Variants in SYN3 observed in about 807,000 individuals in gnomAD.
SYN3 encodes the protein synapsin-3.
Under a neutral mutation model 65.8 loss-of-function variants are expected in SYN3, and 35 were observed. The ratio of observed to expected loss-of-function variants is 0.53; its 90% CI spans 0.41 to 0.70. The LOEUF (loss-of-function observed/expected upper bound fraction) is 0.70. SYN3 is among the 30% of genes least tolerant of loss of function. The probability of loss-of-function intolerance (pLI) is 0.00; values close to 1 mark genes in which losing one functional copy is unlikely to be tolerated. For synonymous variants in SYN3, 270 were observed against 292.9 expected, an observed-to-expected ratio of 0.92 and a Z score of 0.80; for missense variants, 680 against 749.0, an observed-to-expected ratio of 0.91 and a Z score of 1.08.
At chr22:32,623,649 A>G (rs1422156888) in intron 6 of SYN3, among the ~76,000 whole-genome samples, 1 of 152,112 alleles carries the variant, frequency 6.6e-6, no homozygotes, top group African/African-American at 2.4e-5. Flanking sequence ...TTCCCACTCC[A>G]TTCCTCTCCT....
intron 4 of SYN3, among the ~76,000 whole-genome samples, chr22:32,881,607 C>T (rs2049139507): frequency 2.0e-5 from 3 of 152,218 alleles, no homozygotes; most frequent in African/African-American, 7.2e-5. Context: ...TCAGGTGGCC[C>T]AGCCACTTCT....
At chr22:32,613,488 G>A (rs1031079424) in intron 6 of SYN3, among the ~76,000 whole-genome samples, 7 of 152,194 alleles carry the variant, frequency 4.6e-5, no homozygotes, top group Non-Finnish European at 1.0e-4. Flanking sequence ...TTTGAGACCT[G>A]GAGTTAATCC....
At chr22:32,591,447 G>A (rs756131437) in intron 7 of SYN3, among the ~76,000 whole-genome samples, 7 of 152,076 alleles carry the variant, frequency 4.6e-5, no homozygotes, top group South Asian at 2.1e-4. Flanking sequence ...TTACTTTTCC[G>A]TTCTTGTACC....
intron 6 of SYN3, among the ~76,000 whole-genome samples, chr22:32,619,501 G>GGTA (rs2059566018): frequency 6.6e-6 from 1 of 152,152 alleles, no homozygotes; most frequent in Non-Finnish European, 1.5e-5. Context: ...TCATTCTGGA[G>GGTA]GGTCTAGGAC....
chr22:32,750,344 T>C lies in SYN3; in HGVS notation c.711+114571A>G, dbSNP rs115097211. Among the ~76,000 whole-genome samples, 1,268 of 152,292 alleles carry C rather than the reference T, an allele frequency of 8.3e-3. 13 individuals carry two copies. Among genetic ancestry groups the C allele is most frequent in the African/African-American group, 0.028 (1,179 of 41,554 alleles). ...AATCATATGAACATCTGGGAGAAGA[T>C]TGTTTCAGGGCAAGGGCAAGGGCAA... On this transcript the variant is annotated intron_variant, in intron 6 of 13. Transcript: ENST00000358763.
chr22:33,014,514 C>G (rs2053422394), intron 1 of SYN3: 1 of 152,264 alleles, frequency 6.6e-6, no homozygotes, highest in Non-Finnish European at 1.5e-5. Context: ...GACAGGGTGG[C>G]TCACGCCTGT....
intron 3 of SYN3, among the ~76,000 whole-genome samples, chr22:32,980,327 G>A (rs1381170225): frequency 2.6e-5 from 4 of 152,170 alleles, no homozygotes; most frequent in African/African-American, 9.7e-5. Flanking sequence ...GGGCCAAAAG[G>A]AACGGTATAG....
At chr22:32,773,670 C>T (rs532138044) in intron 6 of SYN3, among the ~76,000 whole-genome samples, 14 of 152,226 alleles carry the variant, frequency 9.2e-5, no homozygotes, top group Middle Eastern at 3.4e-3. Flanking sequence ...CAATTTGCAC[C>T]CACTGGTCTA....
At chr22:32,646,735 T>C (rs2059989477) in intron 6 of SYN3, among the ~76,000 whole-genome samples, 1 of 152,138 alleles carries the variant, frequency 6.6e-6, no homozygotes, top group South Asian at 2.1e-4. Flanking sequence ...TTGACTGGCT[T>C]TGTGAGCAGA....
chr22:32,797,295 C>T (rs189245649), intron 6 of SYN3, among the ~76,000 whole-genome samples: 2 of 152,308 alleles, frequency 1.3e-5, no homozygotes, highest in South Asian at 2.1e-4. Context: ...TTATTAAACT[C>T]GTTGTTACCA....
Position 32,923,298 on chromosome 22 carries a change from G to T in SYN3, c.461+8092C>A, listed in dbSNP as rs117616343. Among the ~76,000 whole-genome samples the T allele has an allele frequency of 3.9e-5, 6 of 152,332 alleles. 1 individual carries two copies. The highest frequency in any genetic ancestry group is 1.9e-4 in the East Asian group (1 of 5,176). ...GATTTAGCTCTTCCTCTGTCTTTTT[G>T]TTCTAGTGGGACCCCCAGCGGATTG... is the stretch of plus-strand genomic sequence containing the variant. On this transcript the variant is annotated intron_variant, in intron 4 of 13. Transcript: ENST00000358763.
rs1601668603 is a variant in SYN3, at chr22:32,573,722, TGGAAAGGAAAA to T, written c.774+22941_774+22951del. On this transcript the variant is annotated intron_variant, in intron 7 of 13. Coordinates refer to ENST00000358763, the MANE Select transcript of SYN3 (RefSeq NM_003490.4). ...AGTCACTCTGTTTTGGTGGTACAACTGGAAAGGAAAAGGAAAGGAAAACTCACAGGGGAAGG... is the reference window on the plus strand; with the variant it reads ...AGTCACTCTGTTTTGGTGGTACAACTGGAAAGGAAAACTCACAGGGGAAGG... Among the ~76,000 whole-genome samples the T allele has an allele frequency of 1.3e-5, 2 of 148,496 alleles. 1 individual carries two copies. The highest frequency in any genetic ancestry group is 1.3e-4 in the Admixed American group (2 of 14,820).
intron 2 of SYN3, among the ~76,000 whole-genome samples, chr22:32,999,494 G>A (rs1158567659): frequency 6.6e-6 from 1 of 152,064 alleles, no homozygotes; most frequent in Admixed American, 6.5e-5. Context: ...AGATCAACCT[G>A]GCCAACAAGA....
At chr22:32,757,498 T>C (rs1045947654) in intron 6 of SYN3, among the ~76,000 whole-genome samples, 3 of 152,042 alleles carry the variant, frequency 2.0e-5, no homozygotes, top group African/African-American at 7.2e-5. Flanking sequence ...GGTTTTTCCA[T>C]GTTGGTCAGG....
intron 2 of SYN3, among the ~76,000 whole-genome samples, chr22:32,992,849 G>A (rs772475678): frequency 1.2e-4 from 19 of 152,086 alleles, no homozygotes; most frequent in Non-Finnish European, 1.8e-4. Context: ...TTCATCTCCT[G>A]AGCTCCAGTC....
rs532267209 is a variant in SYN3, at chr22:32,866,693, C to T, written c.622-1689G>A. ...GATAAAAGGTGGGGAAGGGCTAACA[C>T]CATCTAGGACCCTTTCCTAACAGTG... On this transcript the variant is annotated intron_variant, in intron 5 of 13. Transcript: ENST00000358763. Among the ~76,000 whole-genome samples, 7 of 152,250 alleles carry T rather than the reference C, an allele frequency of 4.6e-5. No homozygotes were observed. The East Asian group carries it at 1.4e-3, about 29-fold the overall frequency.
intron 6 of SYN3, among the ~76,000 whole-genome samples, chr22:32,609,989 A>G (rs1019387331): frequency 3.9e-5 from 6 of 151,964 alleles, no homozygotes; most frequent in African/African-American, 1.4e-4. Flanking sequence ...TCATAAAAGA[A>G]TGTACAATTC....
chr22:32,942,233 C>A (rs1416910307), intron 3 of SYN3, among the ~76,000 whole-genome samples: 1 of 152,198 alleles, frequency 6.6e-6, no homozygotes, highest in South Asian at 2.1e-4. Context: ...GGCCAGGTAC[C>A]CCTCTGAGAC....
intron 10 of SYN3, 73 bp from the exon 11 acceptor site, chr22:32,529,081 G>A (rs1325975494): frequency 1.3e-6 from 2 of 1,596,318 alleles, no homozygotes; most frequent in Non-Finnish European, 1.7e-6. Context: ...CATCCCAGAA[G>A]TGGGGGCTCA....
Sources: gnomAD v4.1 joint callset for allele counts (sites outside exome capture counted in the v4.1 genomes callset) on GRCh38, gnomAD v4.1.1 for gene constraint, MANE v1.5 for transcripts, NCBI Gene and HGNC (gene_info 2026-07-23, HGNC 2026-07-21) for gene names.